Variants in CYP4F2 observed in about 807,000 individuals in gnomAD.
CYP4F2 encodes cytochrome P450 4F2.
CYP4F2 carries 58 observed loss-of-function variants against 58.9 expected under a neutral mutation model. The observed-to-expected ratio is 0.98, with a 90% CI of 0.80 to 1.23. The LOEUF (loss-of-function observed/expected upper bound fraction) is 1.23, where lower values mean the gene tolerates loss of function less well. Among genes scored for constraint, CYP4F2 ranks in the 50% most tolerant of loss-of-function variants. The pLI is 0.00. For synonymous variants in CYP4F2, 287 were observed against 261.1 expected (o/e 1.10, Z -0.95); for missense variants, 616 against 685.6 (o/e 0.90, Z 1.13).
In CYP4F2 at chr19:15,878,783, C is replaced by T. The variant is rs766239123; in HGVS notation, c.1551G>A (p.Glu517=). Reference sequence around the variant, plus strand: ...GTCTCTGCAGAACTCAGCTCAGGGGCTCCACCCGCAGCCAAAGTCCGCCCT... The same window carrying T: ...GTCTCTGCAGAACTCAGCTCAGGGGTTCCACCCGCAGCCAAAGTCCGCCCT... ...RAEGGLWLRV[E]PLS is the part of the protein sequence containing the mutation. The change falls in exon 13 of 13, where the codon GAG becomes GAA. Residue 517 remains glutamate, a synonymous_variant. Transcript: ENST00000221700. 1 of 1,613,260 alleles carries T rather than the reference C, an allele frequency of 6.2e-7. No individual in the cohort carries two copies. Among genetic ancestry groups the T allele is most frequent in the African/African-American group, 1.3e-5 (1 of 74,920 alleles).
intron 5 of CYP4F2, 126 bp downstream of exon 5, chr19:15,892,183 A>G: frequency 6.8e-7 from 1 of 1,481,460 alleles, no homozygotes; most frequent in East Asian, 2.3e-5. Context: ...AGATGAGGAA[A>G]CCAAGGCTCA....
chr19:15,891,237 C>T (rs2089414557), intron 5 of CYP4F2, among the ~76,000 whole-genome samples: 1 of 152,122 alleles, frequency 6.6e-6, no homozygotes, highest in African/African-American at 2.4e-5. Context: ...CTTAAAGCTC[C>T]TCTTCTGTAA....
At position 15,892,377 on chromosome 19, in the gene CYP4F2, G is replaced by A. The variant is rs1449702446; in HGVS notation, c.457C>T (p.Pro153Ser). 3 of 1,614,072 alleles carry A rather than the reference G, an allele frequency of 1.9e-6. No homozygotes were observed. Among genetic ancestry groups the A allele is most frequent in the Non-Finnish European group, 1.7e-6 (2 of 1,180,048 alleles). Residue 153 changes from proline to serine, a missense_variant, in exon 5 of 13, where the codon CCT becomes TCT. Coordinates refer to ENST00000221700, the MANE Select transcript of CYP4F2 (RefSeq NM_001082.5). ...TTCAGGATGTTGAAATGGAAGGCAG[G>A]CGTCAGCATCCGACGGTGGCGGCTC... ...KWSRHRRMLT[P>S]AFHFNILKPY...
intron 12 of CYP4F2, 118 bp downstream of exon 12, chr19:15,879,228 G>C (rs1018785268): frequency 2.1e-6 from 3 of 1,409,084 alleles, no homozygotes; most frequent in Non-Finnish European, 2.9e-6. Context: ...CTCCAGAGGA[G>C]GTGAGGGAAA....
rs750598459 is a variant in CYP4F2, at chr19:15,889,548, C to G, written c.793G>C (p.Asp265His). The G allele has an allele frequency of 6.2e-7, 1 of 1,614,180 alleles. No individual in the cohort carries two copies. The highest frequency in any genetic ancestry group is 1.1e-5 in the South Asian group (1 of 91,088). ...RFRRACRLVH[D>H]FTDAVIQERR... The stretch of plus-strand genomic sequence containing the variant: ...TCCTGGATGACGGCATCTGTGAAGT[C>G]GTGCACCAGGCGGCAGGCCCTGCGG... The change falls in exon 7 of 13, where the codon GAC (aspartate) becomes CAC (histidine). Residue 265 changes from aspartate to histidine, a missense_variant. By Grantham distance (81) the Asp-to-His change is moderately conservative (BLOSUM62 -1). Transcript: ENST00000221700.
intron 3 of CYP4F2, chr19:15,893,858 G>A (rs868055215): frequency 3.8e-6 from 1 of 262,044 alleles, no homozygotes; most frequent in Middle Eastern, 5.0e-4. Context: ...GTGTGTATAG[G>A]AGACCTTCTT....
At chr19:15,886,399 T>C in intron 7 of CYP4F2, 91 bp from the exon 8 acceptor site, 1 of 1,451,326 alleles carries the variant, frequency 6.9e-7, no homozygotes, top group African/African-American at 1.5e-5. Context: ...TGAGACAGTC[T>C]CTGAAGATTC....
chr19:15,896,069 T>TATCCATCC (rs746020026), intron 2 of CYP4F2, among the ~76,000 whole-genome samples: 2,064 of 142,354 alleles, frequency 0.014, 51 homozygotes, highest in African/African-American at 0.045. Context: ...TCTATCTATC[T>TATCCATCC]ATCCATCCAT....
At position 15,897,359 on chromosome 19, in the gene CYP4F2, C is replaced by T. The variant is rs190056971; in HGVS notation, c.198+55G>A. On this transcript the variant is annotated intron_variant, in intron 2 of 12. Coordinates refer to ENST00000221700, the MANE Select transcript of CYP4F2 (RefSeq NM_001082.5). Reference sequence around the variant, plus strand: ...CACCCCCACTCCCTAAGCCTCGTACCCCTCAGGAAGTCCATCCATCCTGAG... The same window carrying T: ...CACCCCCACTCCCTAAGCCTCGTACTCCTCAGGAAGTCCATCCATCCTGAG... 4.9e-5 allele frequency: 76 copies of T among 1,547,890 alleles called. No individual in the cohort carries two copies. In the East Asian group the frequency reaches 1.6e-3, roughly 32 times the overall value.
At chr19:15,879,063 C>T in intron 12 of CYP4F2, 127 bp from the exon 13 acceptor site, 2 of 1,419,466 alleles carry the variant, frequency 1.4e-6, no homozygotes, top group Middle Eastern at 2.6e-4. Context: ...AGGGGGTATC[C>T]GTGCCTGGAT....
chr19:15,879,046 A>G (rs1368987584), intron 12 of CYP4F2, 110 bp from the exon 13 acceptor site: 6 of 1,498,610 alleles, frequency 4.0e-6, no homozygotes, highest in Non-Finnish European at 5.4e-6. Flanking sequence ...AGTTTGAGGA[A>G]TAGAGAAGGG....
chr19:15,882,355 G>A (rs1368463693), intron 9 of CYP4F2, among the ~76,000 whole-genome samples: 1 of 152,104 alleles, frequency 6.6e-6, no homozygotes, highest in African/African-American at 2.4e-5. Context: ...GTTGGTCAAA[G>A]GATAGAAGCT....
rs752351038 is a variant in CYP4F2 at position 15,897,582 on chromosome 19, G to A, written c.30C>T (p.Gly10=). 1 of 1,613,814 alleles carries A rather than the reference G, an allele frequency of 6.2e-7. No homozygotes were observed. The highest frequency in any genetic ancestry group is 2.2e-5 in the East Asian group (1 of 44,836). Residue 10 remains glycine, a synonymous_variant, in exon 2 of 13, where the codon GGC becomes GGT. Coordinates refer to ENST00000221700, the MANE Select transcript of CYP4F2 (RefSeq NM_001082.5). The part of the protein sequence containing the change: MSQLSLSWL[G]LWPVAASPWL... The stretch of plus-strand genomic sequence containing the variant: ...AAGGGGATGCTGCCACTGGCCAGAG[G>A]CCCAGCCAGGACAGGCTCAGCTGGG...
intron 9 of CYP4F2, among the ~76,000 whole-genome samples, chr19:15,881,420 AGAT>A (rs2089343794): frequency 6.6e-6 from 1 of 152,230 alleles, no homozygotes. Flanking sequence ...ATTCAGAGAT[AGAT>A]GATAGATTGA....
chr19:15,895,504 A>C lies in CYP4F2; in HGVS notation c.343+2T>G. 6.6e-7 allele frequency: 1 copy of C among 1,514,090 alleles called. No individual in the cohort carries two copies. The highest frequency in any genetic ancestry group is 8.8e-7 in the Non-Finnish European group (1 of 1,140,728). 93.8% of individuals were successfully genotyped at this position (1,514,090 alleles called of 1,614,324 possible). Reference sequence around the variant, plus strand: ...TGCCCCACCAGCTGTTCCAGATGGTACCTGAGGCGTTGATGACAGACCGGA... The same window carrying C: ...TGCCCCACCAGCTGTTCCAGATGGTCCCTGAGGCGTTGATGACAGACCGGA... On this transcript the variant is annotated splice_donor_variant, in intron 3 of 12. Coordinates refer to ENST00000221700, the MANE Select transcript of CYP4F2 (RefSeq NM_001082.5). LOFTEE classifies it high-confidence loss of function.
Position 15,886,064 on chromosome 19 carries a change from G to A in CYP4F2, c.986-11C>T. ...CCGTGGTGTCATGGCCTGGGGGGCA[G>A]CAAGGCAGGCTTGGGTCTCTGGGCT... On this transcript the variant is annotated splice_polypyrimidine_tract_variant and intron_variant, in intron 8 of 12. Coordinates refer to ENST00000221700, the MANE Select transcript of CYP4F2 (RefSeq NM_001082.5). The A allele has an allele frequency of 6.2e-7, 1 of 1,612,482 alleles. No homozygotes were observed. Among genetic ancestry groups the A allele is most frequent in the Non-Finnish European group, 8.5e-7 (1 of 1,179,042 alleles).
chr19:15,895,742 A>C, intron 2 of CYP4F2, 92 bp from the exon 3 acceptor site: 4 of 1,479,932 alleles, frequency 2.7e-6, no homozygotes, highest in Non-Finnish European at 3.6e-6. Flanking sequence ...AGTTGGTCAA[A>C]CATTATTTCT....
chr19:15,878,792 C>T lies in CYP4F2; in HGVS notation c.1542G>A (p.Leu514=), dbSNP rs758700593. The change falls in exon 13 of 13, where the codon CTG becomes CTA. Residue 514 remains leucine, a synonymous_variant. Coordinates refer to ENST00000221700, the MANE Select transcript of CYP4F2 (RefSeq NM_001082.5). ...LVLRAEGGLW[L]RVEPLS Reference sequence around the variant, plus strand: ...GAACTCAGCTCAGGGGCTCCACCCGCAGCCAAAGTCCGCCCTCTGCGCGCA... The same window carrying T: ...GAACTCAGCTCAGGGGCTCCACCCGTAGCCAAAGTCCGCCCTCTGCGCGCA... 5 of 1,613,602 alleles carry T rather than the reference C, an allele frequency of 3.1e-6. No individual in the cohort carries two copies. The highest frequency in any genetic ancestry group is 1.1e-5 in the South Asian group (1 of 91,004).
chr19:15,892,180 GA>G, intron 5 of CYP4F2, 128 bp downstream of exon 5: 2 of 1,470,334 alleles, frequency 1.4e-6, no homozygotes, highest in Non-Finnish European at 1.8e-6. Context: ...TACAGATGAG[GA>G]AACCAAGGCT....
Sources: allele counts gnomAD v4.1 joint callset (sites outside exome capture counted in the v4.1 genomes callset), GRCh38; gene constraint gnomAD v4.1.1; transcripts MANE v1.5; gene names NCBI Gene and HGNC (gene_info 2026-07-23, HGNC 2026-07-21).